Variants in RIGI observed in about 807,000 individuals in gnomAD.
RIGI encodes antiviral innate immune response receptor RIG-I.
At chr9:32,500,255 A>G in the RIGI span, among the ~76,000 whole-genome samples, 60 of 152,318 alleles carry the variant, frequency 3.9e-4, no homozygotes, top group South Asian at 2.3e-3. Context: ...TGCCACACTC[A>G]CTGAAAAAGT....
chr9:32,523,120 G>A, the RIGI span, among the ~76,000 whole-genome samples: 3 of 152,048 alleles, frequency 2.0e-5, no homozygotes, highest in African/African-American at 7.2e-5. Flanking sequence ...TAATTTCAAC[G>A]GGTCAGGGAG....
At chr9:32,490,865 G>A in the RIGI span, among the ~76,000 whole-genome samples, 1 of 152,150 alleles carries the variant, frequency 6.6e-6, no homozygotes, top group African/African-American at 2.4e-5. Context: ...CAACCTCTCA[G>A]CCAGGCGCAT....
the RIGI span, among the ~76,000 whole-genome samples, chr9:32,520,828 CTGGG>C: frequency 3.0e-5 from 1 of 33,048 alleles, no homozygotes; most frequent in Non-Finnish European, 1.0e-4. Flanking sequence ...GTGGCTCAGG[CTGGG>C]CGTGGTGGCT....
the RIGI span, among the ~76,000 whole-genome samples, chr9:32,508,579 CT>C: frequency 6.6e-6 from 1 of 152,080 alleles, no homozygotes; most frequent in African/African-American, 2.4e-5. Flanking sequence ...AGATACTATG[CT>C]TTTCCCCCCA....
At chr9:32,462,165 C>T in the RIGI span, among the ~76,000 whole-genome samples, 1 of 152,140 alleles carries the variant, frequency 6.6e-6, no homozygotes, top group Non-Finnish European at 1.5e-5. Flanking sequence ...TATAAAATGA[C>T]ATAGGAGGCA....
At chr9:32,485,168 A>G in the RIGI span, 1 of 1,580,504 alleles carries the variant, frequency 6.3e-7, no homozygotes, top group East Asian at 2.2e-5. Flanking sequence ...TATGAGATTT[A>G]TCTCACCGAG....
the RIGI span, among the ~76,000 whole-genome samples, chr9:32,458,322 A>G: frequency 3.9e-5 from 6 of 152,240 alleles, no homozygotes; most frequent in Non-Finnish European, 8.8e-5. Flanking sequence ...TTTTCATTAT[A>G]AAAGTGATCC....
the RIGI span, among the ~76,000 whole-genome samples, chr9:32,518,727 G>A: frequency 7.2e-5 from 11 of 152,318 alleles, 1 homozygote; most frequent in African/African-American, 2.6e-4. Context: ...GCCAGATATA[G>A]CAACAACCAA....
chr9:32,459,394 T>C, the RIGI span: 7 of 1,613,838 alleles, frequency 4.3e-6, no homozygotes, highest in East Asian at 1.6e-4. Flanking sequence ...ACGTCAGCTG[T>C]GTAACATGCC....
the RIGI span, among the ~76,000 whole-genome samples, chr9:32,519,970 C>G: frequency 6.6e-6 from 1 of 151,986 alleles, no homozygotes; most frequent in Admixed American, 6.5e-5. Context: ...TATCTAGAAA[C>G]CAATCTTGGA....
the RIGI span, among the ~76,000 whole-genome samples, chr9:32,503,085 C>A: frequency 6.6e-6 from 1 of 152,158 alleles, no homozygotes; most frequent in Non-Finnish European, 1.5e-5. Flanking sequence ...CACAATCCTA[C>A]CGTATTCCAT....
the RIGI span, among the ~76,000 whole-genome samples, chr9:32,469,361 A>G: frequency 0.011 from 1,708 of 152,310 alleles, 35 homozygotes; most frequent in African/African-American, 0.039. Flanking sequence ...CATTTGAACT[A>G]TGTTGGGCCA....
the RIGI span, chr9:32,481,603 C>T: frequency 0.13 from 110,741 of 835,588 alleles, 8,656 homozygotes; most frequent in African/African-American, 0.24. Context: ...TTTTTTTCCT[C>T]GAGGCAGAGT....
chr9:32,469,941 T>C, the RIGI span, among the ~76,000 whole-genome samples: 1 of 152,224 alleles, frequency 6.6e-6, no homozygotes, highest in African/African-American at 2.4e-5. Context: ...TTCCATTACC[T>C]AGCTGGCAGT....
the RIGI span, among the ~76,000 whole-genome samples, chr9:32,473,998 G>A: frequency 6.6e-6 from 1 of 151,946 alleles, no homozygotes; most frequent in Non-Finnish European, 1.5e-5. Flanking sequence ...ACTGCACTCC[G>A]GCCTGGGTGA....
At chr9:32,491,264 A>T in the RIGI span, 1 of 1,607,992 alleles carries the variant, frequency 6.2e-7, no homozygotes, top group Non-Finnish European at 8.5e-7. Flanking sequence ...ATACCAGAAG[A>T]GCACCATTAT....
the RIGI span, chr9:32,459,280 A>ATAAC: frequency 7.0e-7 from 1 of 1,426,402 alleles, no homozygotes; most frequent in South Asian, 1.3e-5. Context: ...AACAATGGAA[A>ATAAC]TAATAGTAGT....
chr9:32,516,052 G>A, the RIGI span, among the ~76,000 whole-genome samples: 1 of 152,120 alleles, frequency 6.6e-6, no homozygotes, highest in Non-Finnish European at 1.5e-5. Context: ...TGACCCTTCT[G>A]GTCTTTAAAC....
the RIGI span, among the ~76,000 whole-genome samples, chr9:32,477,628 T>A: frequency 0.024 from 3,727 of 152,176 alleles, 166 homozygotes; most frequent in African/African-American, 0.086. Context: ...TATCCCATCT[T>A]TAAAAATATA....
Sources: gnomAD v4.1 joint callset for allele counts (sites outside exome capture counted in the v4.1 genomes callset) on GRCh38, gnomAD v4.1.1 for gene constraint, MANE v1.5 for transcripts, NCBI Gene and HGNC (gene_info 2026-07-23, HGNC 2026-07-21) for gene names.